Variants in HOXC4 observed in about 807,000 individuals in gnomAD.
The protein encoded by HOXC4 is homeobox protein Hox-C4.
HOXC4 carries 15 observed loss-of-function variants against 25.5 expected under a neutral mutation model. That is an observed-to-expected ratio of 0.59 (90% CI 0.39 to 0.91). The LOEUF is 0.91. Ranked by LOEUF, HOXC4 falls within the 40% of genes least tolerant of loss-of-function variation. HOXC4 has a pLI of 0.00. For missense variants in HOXC4, 342 were observed against 352.4 expected (o/e 0.97, Z 0.24); for synonymous variants, 165 against 148.0 (o/e 1.11, Z -0.83).
chr12:54,028,050 A>G (rs1592230608), intron 1 of HOXC4, among the ~76,000 whole-genome samples: 1 of 152,062 alleles, frequency 6.6e-6, no homozygotes, highest in Non-Finnish European at 1.5e-5. Context: ...TCAGGATGTA[A>G]TTTTAGAAGG....
chr12:54,047,524 C>G (rs1014763122), intron 1 of HOXC4, among the ~76,000 whole-genome samples: 5 of 152,342 alleles, frequency 3.3e-5, no homozygotes, highest in Non-Finnish European at 5.9e-5. Context: ...ACAAAAGGAG[C>G]CGAAAGATTT....
intron 1 of HOXC4, among the ~76,000 whole-genome samples, chr12:54,018,904 C>T (rs1203603117): frequency 6.6e-6 from 1 of 152,128 alleles, no homozygotes; most frequent in African/African-American, 2.4e-5. Context: ...GGGAGGGGAT[C>T]GCTCCACGAT....
chr12:54,020,405 A>G (rs1944120703), intron 1 of HOXC4: 1 of 152,190 alleles, frequency 6.6e-6, no homozygotes, highest in Non-Finnish European at 1.5e-5. Flanking sequence ...GTTCCTAGCT[A>G]AGGAGAATTG....
chr12:54,034,031 TC>T, intron 1 of HOXC4: 4 of 688,274 alleles, frequency 5.8e-6, no homozygotes, highest in East Asian at 2.9e-5. Flanking sequence ...GTCTCCCTCT[TC>T]CCCCCAACCC....
intron 1 of HOXC4, chr12:54,028,489 G>T (rs753924760): frequency 6.3e-6 from 10 of 1,592,372 alleles, no homozygotes; most frequent in Non-Finnish European, 8.6e-6. Flanking sequence ...AAATATTAAA[G>T]AAATCATAGA....
upstream of HOXC4, among the ~76,000 whole-genome samples, chr12:54,049,638 C>A (rs1027805914): frequency 1.3e-5 from 2 of 151,000 alleles, no homozygotes; most frequent in African/African-American, 4.9e-5. Flanking sequence ...CATTTTAGAC[C>A]AATTCATTAC....
At chr12:54,043,251 G>A (rs1941303495) in intron 1 of HOXC4, among the ~76,000 whole-genome samples, 1 of 152,214 alleles carries the variant, frequency 6.6e-6, no homozygotes, top group South Asian at 2.1e-4. Context: ...CTGTACACAT[G>A]TACAGAGAAA....
At position 54,039,444 on chromosome 12, in the gene HOXC4, G is replaced by A. The variant is rs573405125; in HGVS notation, c.-123-13716G>A. Among the ~76,000 whole-genome samples, 6 of 152,174 alleles carry A rather than the reference G, an allele frequency of 3.9e-5. No individual in the cohort carries two copies. In the East Asian group the frequency reaches 1.2e-3, roughly 29 times the overall value. On this transcript the variant is annotated intron_variant, in intron 1 of 3. Coordinates refer to the HOXC4 transcript ENST00000303406. ...GGTCTCTCACTTGCATGAGGAGCTC[G>A]GGAACCCGACATGGAGGATTCCCTT...
At chr12:54,042,837 G>A (rs1404652811) in intron 1 of HOXC4, among the ~76,000 whole-genome samples, 1 of 152,196 alleles carries the variant, frequency 6.6e-6, no homozygotes, top group Non-Finnish European at 1.5e-5. Flanking sequence ...GGCTCCTTGT[G>A]ACCCACATTG....
intron 1 of HOXC4, chr12:54,034,825 G>A (rs1316279025): frequency 3.1e-6 from 1 of 318,528 alleles, no homozygotes; most frequent in East Asian, 7.3e-5. Context: ...CCGGCTCCCA[G>A]CCTCAGCGCG....
chr12:54,031,053 G>T (rs1053270779), intron 1 of HOXC4, among the ~76,000 whole-genome samples: 12 of 152,252 alleles, frequency 7.9e-5, no homozygotes, highest in African/African-American at 2.2e-4. Flanking sequence ...CACCCTGCGG[G>T]AAAAAGCCGC....
chr12:54,031,951 C>T (rs1259605731), intron 1 of HOXC4, among the ~76,000 whole-genome samples: 1 of 152,180 alleles, frequency 6.6e-6, no homozygotes, highest in Non-Finnish European at 1.5e-5. Flanking sequence ...AAAGCCTAGC[C>T]CAGAGACCTT....
At chr12:54,047,959 G>C (rs1937755500) in intron 1 of HOXC4, 1 of 152,220 alleles carries the variant, frequency 6.6e-6, no homozygotes, top group Non-Finnish European at 1.5e-5. Context: ...GCTGCCTTTG[G>C]GTTTGAGGGG....
chr12:54,042,622 T>G (rs183537620), intron 1 of HOXC4, among the ~76,000 whole-genome samples: 358 of 152,314 alleles, frequency 2.4e-3, no homozygotes, highest in African/African-American at 8.2e-3. Context: ...AGGTCCTTTT[T>G]GCTGAGAAGA....
At chr12:54,020,239 A>G (rs1940372906) in intron 1 of HOXC4, 1 of 152,228 alleles carries the variant, frequency 6.6e-6, no homozygotes, top group Non-Finnish European at 1.5e-5. Context: ...AGGACTCTGC[A>G]CACCCGGGGC....
chr12:54,018,710 C>T (rs949885757), intron 1 of HOXC4, among the ~76,000 whole-genome samples: 1 of 151,914 alleles, frequency 6.6e-6, no homozygotes. Flanking sequence ...TGTTTATAAA[C>T]GGCGACGCAC....
At chr12:54,028,597 C>G in intron 1 of HOXC4, 1 of 1,614,088 alleles carries the variant, frequency 6.2e-7, no homozygotes, top group Non-Finnish European at 8.5e-7. Flanking sequence ...CAACGTCGCC[C>G]TCAATTCCAC....
rs560495959 is a variant in HOXC4 at position 54,019,496 on chromosome 12, G to A, written c.-124+2082G>A. 6.6e-5 allele frequency among the ~76,000 whole-genome samples: 10 copies of A among 152,260 alleles called. 1 individual carries two copies. In the South Asian group the frequency reaches 2.1e-3, roughly 32 times the overall value. On this transcript the variant is annotated intron_variant, in intron 1 of 3. Transcript: ENST00000303406. ...CTCCTGGAGTAATGTGGGAATCGCC[G>A]ACCGGTGAGGCCTCTATTTCTCTCT...
chr12:54,035,571 G>A lies in HOXC4; in HGVS notation c.-123-17589G>A, dbSNP rs1444701098. 2.6e-5 allele frequency among the ~76,000 whole-genome samples: 4 copies of A among 152,206 alleles called. No individual in the cohort carries two copies. In the East Asian group the frequency reaches 7.7e-4, roughly 29 times the overall value. On this transcript the variant is annotated intron_variant, in intron 1 of 3. Coordinates refer to the HOXC4 transcript ENST00000303406. ...CTCTGGGGGAAGAGAAGGGCACCTAGGCCTCGAGTACTGGCTTTTCCCATG... is the reference window on the plus strand; with the variant it reads ...CTCTGGGGGAAGAGAAGGGCACCTAAGCCTCGAGTACTGGCTTTTCCCATG...
Sources: gnomAD v4.1 joint callset for allele counts (sites outside exome capture counted in the v4.1 genomes callset) on GRCh38, gnomAD v4.1.1 for gene constraint, MANE v1.5 for transcripts, NCBI Gene and HGNC (gene_info 2026-07-23, HGNC 2026-07-21) for gene names.